ATG10: variants seen among roughly 807,000 people sequenced by gnomAD.
The protein encoded by ATG10 is ubiquitin-like-conjugating enzyme ATG10.
Under a neutral mutation model 32.1 loss-of-function variants are expected in ATG10, and 30 were observed. The ratio of observed to expected loss-of-function variants is 0.94; its 90% confidence interval spans 0.70 to 1.27. The LOEUF (loss-of-function observed/expected upper bound fraction) is 1.27, where lower values mean the gene tolerates loss of function less well. Ranked by LOEUF, ATG10 falls within the 50% of genes most tolerant of loss-of-function variation. ATG10 has a pLI of 0.00. For missense variants in ATG10, 233 were observed against 262.3 expected, an observed-to-expected ratio of 0.89 and a Z score of 0.77; for synonymous variants, 87 against 91.5, an observed-to-expected ratio of 0.95 and a Z score of 0.28.
chr5:82,197,752 A>G (rs1334729260), intron 5 of ATG10, among the ~76,000 whole-genome samples: 11 of 151,280 alleles, frequency 7.3e-5, no homozygotes, highest in Non-Finnish European at 1.0e-4. Context: ...CTATCTATCT[A>G]TCTATCTATC....
intron 4 of ATG10, among the ~76,000 whole-genome samples, chr5:82,176,221 A>G (rs1744015188): frequency 6.6e-6 from 1 of 152,188 alleles, no homozygotes; most frequent in African/African-American, 2.4e-5. Flanking sequence ...TCATTTGCTC[A>G]GTAAATATTT....
chr5:82,037,940 A>G (rs568860719), intron 2 of ATG10, among the ~76,000 whole-genome samples: 104 of 152,174 alleles, frequency 6.8e-4, no homozygotes, highest in African/African-American at 2.3e-3. Context: ...TTTCTGCTAC[A>G]TTTCTCTTAT....
In ATG10 at chr5:82,000,039, T is replaced by G. The variant is rs561420402; in HGVS notation, c.108+12361T>G. ...AAATAAAACTTCCAGGCCAATATCC[T>G]TGATGAACATTGATGTAAAAATCCT... On this transcript the variant is annotated intron_variant, in intron 2 of 7. Coordinates refer to ENST00000282185, the MANE Select transcript of ATG10 (RefSeq NM_031482.5). 2.6e-5 allele frequency among the ~76,000 whole-genome samples: 4 copies of G among 152,256 alleles called. No homozygotes were observed. The East Asian group carries it at 7.7e-4, about 29-fold the overall frequency.
chr5:81,978,758 T>C (rs1760942821), intron 1 of ATG10, among the ~76,000 whole-genome samples: 1 of 152,068 alleles, frequency 6.6e-6, no homozygotes, highest in South Asian at 2.1e-4. Flanking sequence ...ATTCCTAGCC[T>C]CAAGTGATCC....
At chr5:82,090,380 A>G (rs1561293778) in intron 3 of ATG10, among the ~76,000 whole-genome samples, 2 of 152,296 alleles carry the variant, frequency 1.3e-5, no homozygotes, top group Non-Finnish European at 2.9e-5. Flanking sequence ...TAATGGGTGA[A>G]TGGTTAAACA....
chr5:82,142,062 T>A (rs1767174334), intron 3 of ATG10, among the ~76,000 whole-genome samples: 1 of 152,216 alleles, frequency 6.6e-6, no homozygotes, highest in East Asian at 1.9e-4. Context: ...ACAGTGCATA[T>A]TCTGGATTAT....
At chr5:82,013,533 T>G (rs760597728) in intron 2 of ATG10, among the ~76,000 whole-genome samples, 5 of 152,208 alleles carry the variant, frequency 3.3e-5, no homozygotes, top group African/African-American at 7.2e-5. Context: ...ATACCCAGGT[T>G]GCTGCATCAA....
intron 3 of ATG10, among the ~76,000 whole-genome samples, chr5:82,070,349 A>T (rs1237309264): frequency 6.6e-6 from 1 of 152,182 alleles, no homozygotes; most frequent in Admixed American, 6.5e-5. Flanking sequence ...TTTAGATAAG[A>T]TTATTAAAAT....
chr5:82,178,519 T>C lies in ATG10; in HGVS notation c.385T>C (p.Trp129Arg), dbSNP rs1283026038. 1.9e-5 allele frequency: 31 copies of C among 1,611,828 alleles called. No individual in the cohort carries two copies. The highest frequency in any genetic ancestry group is 2.5e-5 in the Non-Finnish European group (30 of 1,178,366). The change falls in exon 5 of 8, where the codon TGG becomes CGG. Residue 129 changes from tryptophan to arginine, a missense_variant. By Grantham distance (101) the Trp-to-Arg change is moderately radical (BLOSUM62 -3). Transcript: ENST00000282185. Reference sequence around the variant, plus strand: ...GAGACCTTTAACTCTGAAGGACATATGGGAAGGAGTTCATGAGTGCTATAA... The same window carrying C: ...GAGACCTTTAACTCTGAAGGACATACGGGAAGGAGTTCATGAGTGCTATAA... The part of the protein sequence containing the change: ...DGRPLTLKDI[W>R]EGVHECYKMR...
chr5:82,012,308 T>G (rs893190422), intron 2 of ATG10, among the ~76,000 whole-genome samples: 5 of 152,254 alleles, frequency 3.3e-5, no homozygotes, highest in Admixed American at 6.5e-5. Flanking sequence ...CAAAGTTGTT[T>G]TTTGAAGGGG....
chr5:82,237,485 AAT>A (rs1486703231), intron 5 of ATG10, among the ~76,000 whole-genome samples: 1 of 152,060 alleles, frequency 6.6e-6, no homozygotes, highest in Non-Finnish European at 1.5e-5. Flanking sequence ...CTCTACTAAA[AAT>A]ACAAAAATTA....
intron 3 of ATG10, among the ~76,000 whole-genome samples, chr5:82,160,153 G>T (rs562680714): frequency 3.2e-4 from 48 of 152,204 alleles, no homozygotes; most frequent in South Asian, 6.2e-4. Context: ...TCACCACAAA[G>T]ATATCTCATG....
At chr5:82,225,402 G>A (rs1021494315) in intron 5 of ATG10, among the ~76,000 whole-genome samples, 1 of 152,138 alleles carries the variant, frequency 6.6e-6, no homozygotes, top group Non-Finnish European at 1.5e-5. Flanking sequence ...AACCTCCTGG[G>A]TTCTAAATTA....
chr5:82,187,341 T>A lies in ATG10; in HGVS notation c.453+8754T>A, dbSNP rs1445963711. Among the ~76,000 whole-genome samples the A allele has an allele frequency of 2.0e-5, 3 of 151,812 alleles. No individual in the cohort carries two copies. The East Asian group carries it at 6.0e-4, about 30-fold the overall frequency. On this transcript the variant is annotated intron_variant, in intron 5 of 7. Coordinates refer to ENST00000282185, the MANE Select transcript of ATG10 (RefSeq NM_031482.5). ...GCCTGGCTAACATGGGGAAACCCTGTCTCTACTAAAAATACAAAAATTAGC... is the reference window on the plus strand; with the variant it reads ...GCCTGGCTAACATGGGGAAACCCTGACTCTACTAAAAATACAAAAATTAGC...
chr5:82,210,827 G>A lies in ATG10; in HGVS notation c.453+32240G>A, dbSNP rs540620475. ...AAAATAGAGTCCTTAGGGGCTGTCA[G>A]GTTTTACTCAGGACAAGAATGTATG... On this transcript the variant is annotated intron_variant, in intron 5 of 7. Transcript: ENST00000282185. Among the ~76,000 whole-genome samples the A allele has an allele frequency of 7.2e-5, 11 of 152,308 alleles. No individual in the cohort carries two copies. The East Asian group carries it at 2.1e-3, about 29-fold the overall frequency.
chr5:82,079,379 T>A lies in ATG10; in HGVS notation c.216+20777T>A, dbSNP rs185967879. Reference sequence around the variant, plus strand: ...TGTTCAGGGAAACTTTTTTTTTTTTTTATATACTTTAAGTTCTAGGGTACA... The same window carrying A: ...TGTTCAGGGAAACTTTTTTTTTTTTATATATACTTTAAGTTCTAGGGTACA... On this transcript the variant is annotated intron_variant, in intron 3 of 7. Transcript: ENST00000282185. 5.4e-3 allele frequency among the ~76,000 whole-genome samples: 823 copies of A among 152,130 alleles called. 6 individuals carry two copies. The highest frequency in any genetic ancestry group is 0.018 in the African/African-American group (750 of 41,516).
At chr5:82,055,351 A>G (rs1763558998) in intron 2 of ATG10, among the ~76,000 whole-genome samples, 1 of 152,148 alleles carries the variant, frequency 6.6e-6, no homozygotes, top group African/African-American at 2.4e-5. Flanking sequence ...AAATTCCTCA[A>G]ATTATAAGTA....
At chr5:82,072,940 T>A (rs1764174655) in intron 3 of ATG10, 1 of 152,016 alleles carries the variant, frequency 6.6e-6, no homozygotes, top group Non-Finnish European at 1.5e-5. Context: ...GTGAAGGAGG[T>A]ACATAATTAT....
intron 3 of ATG10, among the ~76,000 whole-genome samples, chr5:82,127,376 A>C (rs951970387): frequency 6.6e-6 from 1 of 151,884 alleles, no homozygotes; most frequent in Non-Finnish European, 1.5e-5. Context: ...TGTGATGTTA[A>C]GGTATCAGTT....
Sources: gnomAD v4.1 joint callset for allele counts (sites outside exome capture counted in the v4.1 genomes callset) on GRCh38, gnomAD v4.1.1 for gene constraint, MANE v1.5 for transcripts, NCBI Gene and HGNC (gene_info 2026-07-23, HGNC 2026-07-21) for gene names.